The following NFATC1 variants were observed in gnomAD, a reference collection of about 807,000 sequenced individuals.
NFATC1 encodes nuclear factor of activated T-cells, cytoplasmic 1.
Under a neutral mutation model 76.0 loss-of-function variants are expected in NFATC1, and 22 were observed. The observed-to-expected ratio is 0.29, with a 90% CI of 0.21 to 0.41. NFATC1 has a LOEUF of 0.41. Among genes scored for constraint, NFATC1 ranks in the 10% least tolerant of loss-of-function variants. NFATC1 has a pLI of 1.00. For synonymous variants in NFATC1, 704 were observed against 613.1 expected, an observed-to-expected ratio of 1.15 and a Z score of -2.19; for missense variants, 1,357 against 1,337.7, an observed-to-expected ratio of 1.01 and a Z score of -0.23.
intron 9 of NFATC1, among the ~76,000 whole-genome samples, chr18:79,520,254 C>T (rs903980668): frequency 2.0e-5 from 3 of 151,866 alleles, no homozygotes; most frequent in Non-Finnish European, 2.9e-5. Context: ...GCTGGAGAGT[C>T]GGCAGCCCTC....
chr18:79,455,236 A>G (rs1202689299), intron 6 of NFATC1, among the ~76,000 whole-genome samples: 1 of 152,236 alleles, frequency 6.6e-6, no homozygotes, highest in African/African-American at 2.4e-5. Flanking sequence ...CGGAAGCCAC[A>G]CTACGACGCC....
intron 9 of NFATC1, among the ~76,000 whole-genome samples, chr18:79,509,320 G>A (rs905747388): frequency 3.9e-5 from 6 of 152,228 alleles, no homozygotes; most frequent in Admixed American, 3.9e-4. Context: ...TCCACCAGCC[G>A]GAACTCACCG....
intron 3 of NFATC1, among the ~76,000 whole-genome samples, chr18:79,441,819 G>T (rs986807547): frequency 1.3e-5 from 2 of 152,222 alleles, no homozygotes; most frequent in Non-Finnish European, 2.9e-5. Context: ...TTCAGGAGTT[G>T]CATTCTAGAT....
chr18:79,408,944 CATT>C (rs2085537694), intron 1 of NFATC1, among the ~76,000 whole-genome samples: 1 of 144,208 alleles, frequency 6.9e-6, no homozygotes, highest in Non-Finnish European at 1.5e-5. Flanking sequence ...CCTATCCATT[CATT>C]CATCATCCAT....
At chr18:79,486,155 G>A in intron 8 of NFATC1, 93 bp from the exon 9 acceptor site, 1 of 1,153,016 alleles carries the variant, frequency 8.7e-7, no homozygotes, top group Non-Finnish European at 1.3e-6. Flanking sequence ...TCAGGGCCCT[G>A]TTGGTTTTGC....
chr18:79,480,091 C>T (rs2089221267), intron 8 of NFATC1, among the ~76,000 whole-genome samples: 1 of 152,226 alleles, frequency 6.6e-6, no homozygotes, highest in Non-Finnish European at 1.5e-5. Context: ...GCTCATGCTG[C>T]CAGCTCCGGG....
At chr18:79,492,694 G>A (rs944341487) in intron 9 of NFATC1, among the ~76,000 whole-genome samples, 10 of 149,770 alleles carry the variant, frequency 6.7e-5, no homozygotes, top group African/African-American at 2.5e-4. Flanking sequence ...GGGTGACAGA[G>A]CGAGACTCCA....
intron 8 of NFATC1, among the ~76,000 whole-genome samples, chr18:79,474,697 C>A (rs1478861852): frequency 7.0e-6 from 1 of 142,130 alleles, no homozygotes; most frequent in Admixed American, 7.0e-5. Flanking sequence ...TCACTGTCGA[C>A]GTTGTGAGGG....
intron 2 of NFATC1, among the ~76,000 whole-genome samples, chr18:79,411,847 C>T (rs900373768): frequency 2.0e-5 from 3 of 152,252 alleles, no homozygotes; most frequent in East Asian, 1.9e-4. Flanking sequence ...AGGGCTTCCA[C>T]GTGGGAATTC....
At chr18:79,419,169 G>A (rs540962530) in intron 2 of NFATC1, among the ~76,000 whole-genome samples, 59 of 152,238 alleles carry the variant, frequency 3.9e-4, no homozygotes, top group African/African-American at 1.2e-3. Context: ...GACCACAGAC[G>A]TGCGGCACCA....
intron 8 of NFATC1, among the ~76,000 whole-genome samples, chr18:79,474,792 G>A (rs540355822): frequency 1.5e-4 from 21 of 143,168 alleles, no homozygotes; most frequent in South Asian, 4.5e-4. Flanking sequence ...CGAGGGAAGC[G>A]TTTTCACACT....
At chr18:79,475,527 G>A (rs921247141) in intron 8 of NFATC1, among the ~76,000 whole-genome samples, 6 of 149,110 alleles carry the variant, frequency 4.0e-5, no homozygotes, top group East Asian at 3.9e-4. Context: ...CATGCTCACC[G>A]TCGACACTGT....
intron 6 of NFATC1, among the ~76,000 whole-genome samples, chr18:79,452,902 C>T (rs2087534108): frequency 6.6e-6 from 1 of 152,196 alleles, no homozygotes; most frequent in Non-Finnish European, 1.5e-5. Context: ...CCCTGGAAAC[C>T]GCGGAGGCAT....
chr18:79,437,572 G>A (rs1051230357), intron 3 of NFATC1, among the ~76,000 whole-genome samples: 25 of 152,244 alleles, frequency 1.6e-4, no homozygotes, highest in South Asian at 2.1e-4. Context: ...CATTTCCAGT[G>A]AGGCATGAAA....
chr18:79,488,991 G>A (rs528403546), intron 9 of NFATC1, among the ~76,000 whole-genome samples: 112 of 152,328 alleles, frequency 7.4e-4, no homozygotes, highest in Non-Finnish European at 1.2e-3. Flanking sequence ...GCTGGGGGCT[G>A]GGACGTGTTC....
intron 2 of NFATC1, among the ~76,000 whole-genome samples, chr18:79,412,938 A>C (rs1266916347): frequency 1.3e-5 from 2 of 152,252 alleles, no homozygotes; most frequent in Admixed American, 6.5e-5. Flanking sequence ...CTAGGTGATC[A>C]CAACGAGCCT....
intron 9 of NFATC1, among the ~76,000 whole-genome samples, chr18:79,514,222 G>T (rs1441261287): frequency 6.6e-6 from 1 of 152,026 alleles, no homozygotes; most frequent in African/African-American, 2.4e-5. Flanking sequence ...AGGAGGATTG[G>T]TGAGCCAGGA....
intron 1 of NFATC1, among the ~76,000 whole-genome samples, chr18:79,409,519 A>G (rs1347024768): frequency 6.7e-6 from 1 of 150,254 alleles, no homozygotes; most frequent in Non-Finnish European, 1.5e-5. Context: ...TTAGCTGTCC[A>G]TCCATCCATC....
At chr18:79,482,697 C>G (rs2089329526) in intron 8 of NFATC1, among the ~76,000 whole-genome samples, 1 of 134,736 alleles carries the variant, frequency 7.4e-6, no homozygotes, top group Non-Finnish European at 1.6e-5. Flanking sequence ...TCCAGCATGA[C>G]CTGGTTCCTG....
Sources: allele counts gnomAD v4.1 joint callset (sites outside exome capture counted in the v4.1 genomes callset), GRCh38; gene constraint gnomAD v4.1.1; transcripts MANE v1.5; gene names NCBI Gene and HGNC (gene_info 2026-07-23, HGNC 2026-07-21).